Variants in ATRNL1 observed in about 807,000 individuals in gnomAD.
ATRNL1 encodes the protein attractin-like protein 1.
ATRNL1 carries 95 observed loss-of-function variants against 182.7 expected under a neutral mutation model. That is an observed-to-expected ratio of 0.52 (90% CI 0.44 to 0.62). ATRNL1 has a LOEUF of 0.62. Ranked by LOEUF, ATRNL1 falls within the 20% of genes least tolerant of loss-of-function variation. The probability of loss-of-function intolerance (pLI) is 0.00; values close to 1 mark genes in which losing one functional copy is unlikely to be tolerated. For missense variants in ATRNL1, 1,471 were observed against 1,679.5 expected (o/e 0.88, Z 2.17); for synonymous variants, 576 against 568.3 (o/e 1.01, Z -0.19).
chr10:115,276,175 T>A (rs1231422003), intron 13 of ATRNL1, among the ~76,000 whole-genome samples: 2 of 152,098 alleles, frequency 1.3e-5, no homozygotes, highest in African/African-American at 4.8e-5. Context: ...GGGGAGCTCT[T>A]GTGTCTTCAA....
intron 27 of ATRNL1, among the ~76,000 whole-genome samples, chr10:115,746,087 A>G (rs1328903578): frequency 2.0e-5 from 3 of 152,122 alleles, no homozygotes; most frequent in African/African-American, 7.2e-5. Context: ...AACTGAGTGT[A>G]CATAGAAATA....
chr10:115,457,313 G>A (rs1847574075), intron 21 of ATRNL1, among the ~76,000 whole-genome samples: 1 of 151,924 alleles, frequency 6.6e-6, no homozygotes, highest in African/African-American at 2.4e-5. Flanking sequence ...CTTGGAAAAA[G>A]CAGCATTCAA....
At chr10:115,380,921 G>A (rs1253191817) in intron 19 of ATRNL1, among the ~76,000 whole-genome samples, 1 of 152,094 alleles carries the variant, frequency 6.6e-6, no homozygotes, top group African/African-American at 2.4e-5. Context: ...GATTTGCTGG[G>A]TTATATGTAA....
intron 26 of ATRNL1, among the ~76,000 whole-genome samples, chr10:115,608,274 C>T (rs1555018066): frequency 2.6e-5 from 4 of 151,964 alleles, no homozygotes; most frequent in Non-Finnish European, 5.9e-5. Context: ...ACATCCATAA[C>T]CGATAGCTAC....
chr10:115,552,565 A>G (rs1853054680), intron 26 of ATRNL1, among the ~76,000 whole-genome samples: 1 of 151,410 alleles, frequency 6.6e-6, no homozygotes, highest in Admixed American at 6.6e-5. Context: ...AAATGTTTTA[A>G]TATATTGTGT....
At chr10:115,830,385 T>G (rs1555093262) in intron 27 of ATRNL1, among the ~76,000 whole-genome samples, 1 of 152,168 alleles carries the variant, frequency 6.6e-6, no homozygotes, top group Non-Finnish European at 1.5e-5. Flanking sequence ...AGCAGCACAC[T>G]GAGTAATAAG....
intron 20 of ATRNL1, among the ~76,000 whole-genome samples, chr10:115,424,689 A>G (rs1011997842): frequency 3.3e-5 from 5 of 152,300 alleles, no homozygotes; most frequent in Middle Eastern, 3.4e-3. Context: ...AAAATACTGC[A>G]TGATCTCACT....
chr10:115,371,474 C>G (rs1346441603), intron 19 of ATRNL1, among the ~76,000 whole-genome samples: 1 of 152,146 alleles, frequency 6.6e-6, no homozygotes, highest in Non-Finnish European at 1.5e-5. Flanking sequence ...ATCAGCGTAA[C>G]CTGGATGTGA....
At chr10:115,163,442 C>T (rs1846893989) in intron 6 of ATRNL1, among the ~76,000 whole-genome samples, 1 of 151,662 alleles carries the variant, frequency 6.6e-6, no homozygotes, top group Non-Finnish European at 1.5e-5. Flanking sequence ...TGGCTCACTG[C>T]AGCCTTGAGC....
At chr10:115,492,309 T>C (rs1849337254) in intron 24 of ATRNL1, among the ~76,000 whole-genome samples, 5 of 152,148 alleles carry the variant, frequency 3.3e-5, no homozygotes, top group Admixed American at 3.3e-4. Flanking sequence ...GTTATTTCTT[T>C]TTTTGGAGGT....
chr10:115,132,129 G>T (rs555018434), intron 5 of ATRNL1, among the ~76,000 whole-genome samples: 134 of 147,434 alleles, frequency 9.1e-4, no homozygotes, highest in Middle Eastern at 3.6e-3. Context: ...CCCTTCCTGT[G>T]TCCAAGTGTT....
chr10:115,852,965 A>G (rs1208916470), intron 28 of ATRNL1, among the ~76,000 whole-genome samples: 1 of 152,194 alleles, frequency 6.6e-6, no homozygotes, highest in Non-Finnish European at 1.5e-5. Context: ...ACTTGGAATC[A>G]CAAGCCCTAA....
At chr10:115,259,478 G>A (rs1220220214) in intron 10 of ATRNL1, among the ~76,000 whole-genome samples, 2 of 152,188 alleles carry the variant, frequency 1.3e-5, no homozygotes, top group East Asian at 1.9e-4. Context: ...TGGGAAAAGC[G>A]CAGTATTTGG....
intron 20 of ATRNL1, among the ~76,000 whole-genome samples, chr10:115,416,117 T>G (rs1456018331): frequency 6.6e-6 from 1 of 152,084 alleles, no homozygotes; most frequent in Non-Finnish European, 1.5e-5. Context: ...CACATTAAAG[T>G]TAAAGATTAT....
intron 20 of ATRNL1, among the ~76,000 whole-genome samples, chr10:115,424,126 T>C (rs181684281): frequency 3.3e-4 from 50 of 152,198 alleles, no homozygotes; most frequent in African/African-American, 1.1e-3. Flanking sequence ...AAGATCTGAA[T>C]AGACATTTCT....
intron 27 of ATRNL1, among the ~76,000 whole-genome samples, chr10:115,761,326 ATTT>A (rs1948730825): frequency 1.3e-5 from 2 of 152,130 alleles, no homozygotes; most frequent in African/African-American, 4.8e-5. Flanking sequence ...TTGTGGAATA[ATTT>A]GAGAGGTGGA....
chr10:115,513,282 A>C (rs1850481873), intron 24 of ATRNL1, among the ~76,000 whole-genome samples: 2 of 151,944 alleles, frequency 1.3e-5, no homozygotes, highest in African/African-American at 4.8e-5. Context: ...TCTCTGTATC[A>C]AATTTTCCTG....
At position 115,328,327 on chromosome 10, in the gene ATRNL1, C is replaced by T. The variant is rs549990723; in HGVS notation, c.3038-5955C>T. Reference sequence around the variant, plus strand: ...TGAAACAAAATATGCACATGTTTCACACGGTTCAATGCGATGTTTTAATAC... The same window carrying T: ...TGAAACAAAATATGCACATGTTTCATACGGTTCAATGCGATGTTTTAATAC... On this transcript the variant is annotated intron_variant, in intron 18 of 28. Transcript: ENST00000355044. Among the ~76,000 whole-genome samples, 59 of 152,182 alleles carry T rather than the reference C, an allele frequency of 3.9e-4. 1 individual carries two copies. The South Asian group carries it at 4.6e-3, about 12-fold the overall frequency.
At chr10:115,371,528 C>G (rs907532779) in intron 19 of ATRNL1, among the ~76,000 whole-genome samples, 1 of 152,242 alleles carries the variant, frequency 6.6e-6, no homozygotes, top group Non-Finnish European at 1.5e-5. Flanking sequence ...TAAAATTTGA[C>G]TGTCTTGCTG....
Sources: allele counts gnomAD v4.1 joint callset (sites outside exome capture counted in the v4.1 genomes callset), GRCh38; gene constraint gnomAD v4.1.1; transcripts MANE v1.5; gene names NCBI Gene and HGNC (gene_info 2026-07-23, HGNC 2026-07-21).